RABGAP1L: variants seen among roughly 807,000 people sequenced by gnomAD.
RABGAP1L encodes RAB GTPase activating protein 1 like, also known as rab GTPase-activating protein 1-like.
Under a neutral mutation model 137.7 loss-of-function variants are expected in RABGAP1L, and 63 were observed. The observed-to-expected ratio is 0.46, with a 90% CI of 0.37 to 0.56. The LOEUF (loss-of-function observed/expected upper bound fraction) is 0.56, where lower values mean the gene tolerates loss of function less well. Ranked by LOEUF, RABGAP1L falls within the 20% of genes least tolerant of loss-of-function variation. The pLI is 0.00. For synonymous variants in RABGAP1L, 431 were observed against 433.7 expected, an observed-to-expected ratio of 0.99 and a Z score of 0.08; for missense variants, 1,095 against 1,244.0, an observed-to-expected ratio of 0.88 and a Z score of 1.80.
At chr1:174,470,311 G>A (rs1657769905) in intron 13 of RABGAP1L, among the ~76,000 whole-genome samples, 1 of 152,172 alleles carries the variant, frequency 6.6e-6, no homozygotes, top group Admixed American at 6.5e-5. Context: ...TTTTACATAT[G>A]TACATTCTAT....
chr1:174,583,652 A>G (rs1668905021), intron 13 of RABGAP1L, among the ~76,000 whole-genome samples: 1 of 152,084 alleles, frequency 6.6e-6, no homozygotes. Context: ...CTAAACCCTA[A>G]TTTGTTCACC....
intron 11 of RABGAP1L, among the ~76,000 whole-genome samples, chr1:174,343,496 T>C (rs1682164454): frequency 6.6e-6 from 1 of 152,184 alleles, no homozygotes; most frequent in Non-Finnish European, 1.5e-5. Context: ...AAATATCTCA[T>C]TTTGTTTACA....
chr1:174,240,247 G>A lies in RABGAP1L; in HGVS notation c.543-1236G>A, dbSNP rs1044863963. ...TTTGTTTTGTTTTGTTTTTGTTTTT[G>A]TGTTTGTTTTTGTTTTTGAGACACA... On this transcript the variant is annotated intron_variant, in intron 4 of 25. Transcript: ENST00000681986. 2.6e-5 allele frequency among the ~76,000 whole-genome samples: 4 copies of A among 151,850 alleles called. No individual in the cohort carries two copies. In the East Asian group the frequency reaches 5.8e-4, roughly 22 times the overall value.
intron 13 of RABGAP1L, among the ~76,000 whole-genome samples, chr1:174,482,438 A>G (rs1659201247): frequency 1.3e-5 from 2 of 152,186 alleles, no homozygotes; most frequent in Admixed American, 1.3e-4. Context: ...TCTATATAAT[A>G]TAGTTATCCC....
chr1:174,204,295 C>A (rs1248459264), intron 1 of RABGAP1L, among the ~76,000 whole-genome samples: 1 of 152,142 alleles, frequency 6.6e-6, no homozygotes, highest in Non-Finnish European at 1.5e-5. Flanking sequence ...AGTTGTTTAT[C>A]AGCTGAAGGA....
chr1:174,498,249 T>C (rs1478028779), intron 13 of RABGAP1L, among the ~76,000 whole-genome samples: 1 of 152,200 alleles, frequency 6.6e-6, no homozygotes, highest in Non-Finnish European at 1.5e-5. Context: ...TAACTACATA[T>C]ATTTATAGAA....
At chr1:174,502,575 G>GGT (rs1263085982) in intron 13 of RABGAP1L, among the ~76,000 whole-genome samples, 1 of 59,260 alleles carries the variant, frequency 1.7e-5, no homozygotes, top group African/African-American at 1.0e-4. Context: ...GAAAGTACAC[G>GGT]GTATATATAT....
At chr1:174,573,544 G>T (rs920030992) in intron 13 of RABGAP1L, among the ~76,000 whole-genome samples, 1 of 152,016 alleles carries the variant, frequency 6.6e-6, no homozygotes, top group African/African-American at 2.4e-5. Flanking sequence ...TTTATGTTAG[G>T]TATTTTTCAA....
At chr1:174,450,403 A>C (rs1655300257) in intron 13 of RABGAP1L, among the ~76,000 whole-genome samples, 1 of 152,188 alleles carries the variant, frequency 6.6e-6, no homozygotes, top group Non-Finnish European at 1.5e-5. Flanking sequence ...TCTTAGCAAA[A>C]TATATAGATC....
At chr1:174,426,994 C>T (rs1159620654) in intron 13 of RABGAP1L, among the ~76,000 whole-genome samples, 1 of 151,968 alleles carries the variant, frequency 6.6e-6, no homozygotes, top group Non-Finnish European at 1.5e-5. Context: ...AAGCTTTAGC[C>T]TGTGTTGTGG....
At chr1:174,675,535 T>G (rs866948691) in intron 14 of RABGAP1L, among the ~76,000 whole-genome samples, 8 of 151,774 alleles carry the variant, frequency 5.3e-5, no homozygotes, top group South Asian at 2.1e-4. Context: ...TGCCTCCAGC[T>G]TTGTTCTTTT....
chr1:174,850,806 G>A (rs1056544572), intron 19 of RABGAP1L, among the ~76,000 whole-genome samples: 1 of 152,210 alleles, frequency 6.6e-6, no homozygotes, highest in Admixed American at 6.5e-5. Flanking sequence ...CTTGAAAGCA[G>A]AGAGCTTTCT....
chr1:174,569,526 C>T (rs957244446), intron 13 of RABGAP1L, among the ~76,000 whole-genome samples: 18 of 152,276 alleles, frequency 1.2e-4, no homozygotes, highest in South Asian at 1.0e-3. Context: ...ATAAGCTGCT[C>T]TCTGGGGTTT....
At chr1:174,419,445 G>T (rs1398780410) in intron 13 of RABGAP1L, among the ~76,000 whole-genome samples, 4 of 152,106 alleles carry the variant, frequency 2.6e-5, no homozygotes, top group Non-Finnish European at 5.9e-5. Flanking sequence ...GAATTCATGA[G>T]ATTATTTCTG....
At chr1:174,160,147 G>T (rs913052440) in intron 1 of RABGAP1L, 2 of 152,902 alleles carry the variant, frequency 1.3e-5, no homozygotes, top group Non-Finnish European at 2.9e-5. Context: ...CGAGCACTTT[G>T]CTCGGCTCCT....
chr1:174,521,058 G>A (rs1663334647), intron 13 of RABGAP1L, among the ~76,000 whole-genome samples: 1 of 152,174 alleles, frequency 6.6e-6, no homozygotes, highest in Non-Finnish European at 1.5e-5. Context: ...ACACCGTATT[G>A]AAGAACCCAG....
Position 174,185,787 on chromosome 1 carries a change from A to G in RABGAP1L, c.-34+26130A>G, listed in dbSNP as rs370333463. 3.9e-5 allele frequency among the ~76,000 whole-genome samples: 6 copies of G among 152,282 alleles called. No individual in the cohort carries two copies. The East Asian group carries it at 1.2e-3, about 29-fold the overall frequency. On this transcript the variant is annotated intron_variant, in intron 1 of 25. Coordinates refer to ENST00000681986, the MANE Select transcript of RABGAP1L (RefSeq NM_001366446.1). ...GTAATTGTACTTTGATATATTGGCA[A>G]GTATTTTCCTGGGACAGAATTTTGC...
chr1:174,887,540 A>G (rs888306451), intron 19 of RABGAP1L, among the ~76,000 whole-genome samples: 5 of 151,938 alleles, frequency 3.3e-5, no homozygotes, highest in Non-Finnish European at 7.4e-5. Flanking sequence ...TCTCTTGCCA[A>G]TGTTTCTAGG....
At chr1:174,479,442 C>T (rs1011182397) in intron 13 of RABGAP1L, among the ~76,000 whole-genome samples, 1 of 152,142 alleles carries the variant, frequency 6.6e-6, no homozygotes, top group African/African-American at 2.4e-5. Context: ...CAGGAATTTG[C>T]ACTTTTGAAA....
Sources: gnomAD v4.1 joint callset for allele counts (sites outside exome capture counted in the v4.1 genomes callset) on GRCh38, gnomAD v4.1.1 for gene constraint, MANE v1.5 for transcripts, NCBI Gene and HGNC (gene_info 2026-07-23, HGNC 2026-07-21) for gene names.